CEACAM19: variants seen among roughly 807,000 people sequenced by gnomAD.
CEACAM19 encodes the protein CEA cell adhesion molecule 19.
A neutral mutation model predicts 37.6 loss-of-function variants in CEACAM19; 37 were observed. The ratio of observed to expected loss-of-function variants is 0.98; its 90% CI spans 0.76 to 1.29. CEACAM19 has a LOEUF of 1.29. CEACAM19 is among the 50% of genes most tolerant of loss of function. The probability of loss-of-function intolerance (pLI) is 0.00; values close to 1 mark genes in which losing one functional copy is unlikely to be tolerated. For missense variants in CEACAM19, 340 were observed against 375.6 expected, an observed-to-expected ratio of 0.91 and a Z score of 0.78; for synonymous variants, 140 against 149.8, an observed-to-expected ratio of 0.93 and a Z score of 0.48.
At position 44,671,989 on chromosome 19, in the gene CEACAM19, A is replaced by G. The variant is rs1973863562; in HGVS notation, c.55+3A>G. Reference sequence around the variant, plus strand: ...CTCAAAGAGCCTCCTGCTCTCAGGTAAGGAGGAAATAGACCCTAAAGGCCA... The same window carrying G: ...CTCAAAGAGCCTCCTGCTCTCAGGTGAGGAGGAAATAGACCCTAAAGGCCA... On this transcript the variant is annotated splice_donor_region_variant and intron_variant, in intron 1 of 7. Coordinates refer to ENST00000358777, the MANE Select transcript of CEACAM19 (RefSeq NM_001127893.3). The G allele has an allele frequency of 2.5e-6, 4 of 1,601,846 alleles. No individual in the cohort carries two copies. The African/African-American group carries it at 4.0e-5, about 16-fold the overall frequency.
chr19:44,672,288 G>A (rs1305570635), intron 1 of CEACAM19, among the ~76,000 whole-genome samples: 1 of 152,132 alleles, frequency 6.6e-6, no homozygotes, highest in African/African-American at 2.4e-5. Context: ...TATTACATAT[G>A]CCTATAAGTA....
At chr19:44,676,537 C>T (rs1599789650) in intron 3 of CEACAM19, 116 bp downstream of exon 3, 2 of 994,144 alleles carry the variant, frequency 2.0e-6, no homozygotes, top group East Asian at 2.4e-5. Flanking sequence ...AATCTTGGAA[C>T]TCCTGGGGTG....
chr19:44,667,704 TA>T, upstream of CEACAM19, among the ~76,000 whole-genome samples: 1 of 77,994 alleles, frequency 1.3e-5, no homozygotes, highest in South Asian at 3.2e-4. Context: ...TAATATATAT[TA>T]TATAAATATA....
chr19:44,683,044 C>A (rs1238785518), intron 7 of CEACAM19: 2 of 241,824 alleles, frequency 8.3e-6, no homozygotes, highest in Non-Finnish European at 1.5e-5. Context: ...GTCTGTCTTC[C>A]CCTTTCTTGG....
intron 3 of CEACAM19, 77 bp from the exon 4 acceptor site, chr19:44,678,776 T>TAGA: frequency 1.3e-6 from 2 of 1,528,344 alleles, no homozygotes; most frequent in African/African-American, 2.8e-5. Context: ...TTTTCCTTCA[T>TAGA]AGGGAAGGAT....
At chr19:44,667,546 ATTTT>A (rs1409693753), upstream of CEACAM19, among the ~76,000 whole-genome samples, 1 of 124,100 alleles carries the variant, frequency 8.1e-6, no homozygotes, top group Non-Finnish European at 1.6e-5. Context: ...TTTTACATAT[ATTTT>A]ATATGTATAT....
chr19:44,681,236 A>T lies in CEACAM19; in HGVS notation c.716A>T (p.Asn239Ile). 6.2e-7 allele frequency: 1 copy of T among 1,613,842 alleles called. No individual in the cohort carries two copies. Among genetic ancestry groups the T allele is most frequent in the South Asian group, 1.1e-5 (1 of 91,008 alleles). Reference protein sequence around the residue: ...LGPAHDAGDNNIYEVMPSPVL... With the variant: ...LGPAHDAGDNIIYEVMPSPVL... The stretch of plus-strand genomic sequence containing the variant: ...CTGGCCTCTGTTTCAGGTGACAACA[A>T]CATCTATGAAGTGATGCCCTCTCCA... Residue 239 changes from asparagine to isoleucine, a missense_variant, in exon 6 of 8, where the codon AAC (asparagine) becomes ATC (isoleucine). By Grantham distance (149) the Asn-to-Ile change is moderately radical. Coordinates refer to ENST00000358777, the MANE Select transcript of CEACAM19 (RefSeq NM_001127893.3).
intron 3 of CEACAM19, 88 bp from the exon 4 acceptor site, chr19:44,678,765 A>G (rs112080699): frequency 4.1e-4 from 616 of 1,508,158 alleles, no homozygotes; most frequent in Non-Finnish European, 5.0e-4. Context: ...CCCCCTCTCC[A>G]TTTTCCTTCA....
intron 3 of CEACAM19, 68 bp downstream of exon 3, chr19:44,676,489 C>T: frequency 6.8e-7 from 1 of 1,480,070 alleles, no homozygotes; most frequent in Non-Finnish European, 9.4e-7. Context: ...TGGATTCTTC[C>T]ACAAGTCACA....
upstream of CEACAM19, chr19:44,667,340 A>T (rs564985796): frequency 6.6e-6 from 1 of 150,976 alleles, no homozygotes; most frequent in Admixed American, 6.7e-5. Flanking sequence ...TCACTCCCCA[A>T]TAGAAGTTTC....
intron 2 of CEACAM19, 57 bp from the exon 3 acceptor site, chr19:44,676,214 A>G: frequency 1.3e-6 from 2 of 1,551,862 alleles, no homozygotes; most frequent in East Asian, 4.5e-5. Flanking sequence ...GGACTGGGGG[A>G]GCCCTCAGGA....
upstream of CEACAM19, among the ~76,000 whole-genome samples, chr19:44,668,211 TTATATAATATTTA>T (rs1166228042): frequency 1.2e-5 from 1 of 86,422 alleles, no homozygotes; most frequent in African/African-American, 4.9e-5. Flanking sequence ...ATATATATAT[TTATATAATATTTA>T]TATATTATAT....
At chr19:44,680,412 T>C in intron 5 of CEACAM19, 78 bp downstream of exon 5, 1 of 1,325,856 alleles carries the variant, frequency 7.5e-7, no homozygotes, top group Non-Finnish European at 1.1e-6. Context: ...ACAAGCCCGC[T>C]TATTCTCCCT....
intron 5 of CEACAM19, 59 bp downstream of exon 5, chr19:44,680,393 C>A: frequency 6.9e-7 from 1 of 1,455,004 alleles, no homozygotes; most frequent in Non-Finnish European, 9.6e-7. Context: ...TCCTTTCTCC[C>A]CTATAGCCAC....
At chr19:44,671,131 T>C (rs1271826128), upstream of CEACAM19, among the ~76,000 whole-genome samples, 15 of 152,012 alleles carry the variant, frequency 9.9e-5, no homozygotes, top group East Asian at 1.7e-3. Flanking sequence ...AGAGCTTTTT[T>C]TTTTTTTTGA....
At position 44,680,309 on chromosome 19, in the gene CEACAM19, AG is replaced by A; in HGVS notation, c.682del (p.Glu228AsnfsTer16). 2 of 1,610,048 alleles carry A rather than the reference AG, an allele frequency of 1.2e-6. No individual in the cohort carries two copies. The highest frequency in any genetic ancestry group is 1.7e-6 in the Non-Finnish European group (2 of 1,179,206). On this transcript the variant is annotated frameshift_variant, in exon 5 of 8. Transcript: ENST00000358777. LOFTEE classifies it high-confidence loss of function. ...STWMATTEKPELGPAHDAGDN... is the reference protein window; with the variant it reads ...STWMATTEKPXLGPAHDAGDN... ...CCAGGATGGCGACCACAGAGAAGCC[AG>A]AATTGGGCCCTGCTCATGATGCTGG...
intron 4 of CEACAM19, 89 bp from the exon 5 acceptor site, chr19:44,680,199 C>T: frequency 9.3e-7 from 1 of 1,069,852 alleles, no homozygotes; most frequent in East Asian, 2.4e-5. Context: ...TTTCAGGGAC[C>T]TGGTGGGATT....
chr19:44,668,676 T>G (rs1197641988), upstream of CEACAM19, among the ~76,000 whole-genome samples: 1 of 75,180 alleles, frequency 1.3e-5, no homozygotes, highest in Non-Finnish European at 2.3e-5. Flanking sequence ...TATACATATA[T>G]TATATATTAT....
chr19:44,684,088 G>T lies in CEACAM19; in HGVS notation c.*598G>T, dbSNP rs1974114672. 1 of 152,492 alleles carries T rather than the reference G, an allele frequency of 6.6e-6. No individual in the cohort carries two copies. The highest frequency in any genetic ancestry group is 2.4e-5 in the African/African-American group (1 of 41,432). 9.4% of individuals were successfully genotyped at this position (152,492 alleles called of 1,614,324 possible). A position where few individuals can be genotyped will look rare whatever the true frequency, so the allele number is the denominator to read the frequency against. ...CTCTCAGAACCTGCTGCCAGCTGCT[G>T]GTCTTGGCCCCCACCCTGAATCTTA... is the stretch of plus-strand genomic sequence containing the variant. On this transcript the variant is annotated 3_prime_UTR_variant, in exon 8 of 8. Coordinates refer to ENST00000358777, the MANE Select transcript of CEACAM19 (RefSeq NM_001127893.3).
Sources: allele counts gnomAD v4.1 joint callset (sites outside exome capture counted in the v4.1 genomes callset), GRCh38; gene constraint gnomAD v4.1.1; transcripts MANE v1.5; gene names NCBI Gene and HGNC (gene_info 2026-07-23, HGNC 2026-07-21).